The following ARAP2 variants were observed in gnomAD, a reference collection of about 807,000 sequenced individuals.
The protein encoded by ARAP2 is arf-GAP with Rho-GAP domain, ANK repeat and PH domain-containing protein 2.
ARAP2 carries 148 observed loss-of-function variants against 194.5 expected under a neutral mutation model. That is an observed-to-expected ratio of 0.76 (90% CI 0.67 to 0.87). The LOEUF is 0.87. Among genes scored for constraint, ARAP2 ranks in the 40% least tolerant of loss-of-function variants. The pLI, the probability that ARAP2 is intolerant of heterozygous loss-of-function variation, is 0.00. For missense variants in ARAP2, 2,128 were observed against 1,989.7 expected (o/e 1.07, Z -1.32); for synonymous variants, 695 against 683.5 (o/e 1.02, Z -0.26).
intron 26 of ARAP2, among the ~76,000 whole-genome samples, chr4:36,108,522 A>C (rs930241946): frequency 3.3e-5 from 5 of 152,146 alleles, no homozygotes; most frequent in African/African-American, 1.2e-4. Context: ...AAAAAACATG[A>C]TGTGTCAATA....
chr4:36,016,505 T>A (rs1270494740), intron 6 of ARAP2, among the ~76,000 whole-genome samples: 2 of 131,576 alleles, frequency 1.5e-5, no homozygotes, highest in Admixed American at 1.7e-4. Flanking sequence ...GTGCTTGAAA[T>A]CTTTCAGAGT....
chr4:36,170,019 A>C (rs969771479), intron 9 of ARAP2, among the ~76,000 whole-genome samples: 11 of 152,366 alleles, frequency 7.2e-5, no homozygotes, highest in Non-Finnish European at 1.3e-4. Context: ...CATTATTTTC[A>C]CAGTATTTAA....
intron 26 of ARAP2, among the ~76,000 whole-genome samples, chr4:36,113,268 T>A (rs1421020652): frequency 6.6e-6 from 1 of 151,912 alleles, no homozygotes; most frequent in Non-Finnish European, 1.5e-5. Flanking sequence ...TGAACTGACA[T>A]CAAAGTACCA....
At chr4:36,144,470 T>C (rs934941292) in intron 19 of ARAP2, among the ~76,000 whole-genome samples, 1 of 151,836 alleles carries the variant, frequency 6.6e-6, no homozygotes. Context: ...CACGGTATAG[T>C]GAAATCATCA....
chr4:36,228,939 G>A lies in ARAP2; in HGVS notation c.548C>T (p.Thr183Ile). ...AACTGTGTGATCCACAGTCTTCTTT[G>A]TAATCAATGATTCTATTTTAATATT... Reference protein sequence around the residue: ...SDNIKIESLITKKTVDHTVEE... With the variant: ...SDNIKIESLIIKKTVDHTVEE... Residue 183 changes from threonine (T) to isoleucine (I), a missense_variant, in exon 2 of 33, where the codon ACA (threonine) becomes ATA (isoleucine). Thr to Ile is a moderately conservative substitution (Grantham distance 89). Coordinates refer to ENST00000303965, the MANE Select transcript of ARAP2 (RefSeq NM_015230.4). 6.2e-7 allele frequency: 1 copy of A among 1,613,948 alleles called. No homozygotes were observed. The highest frequency in any genetic ancestry group is 1.1e-5 in the South Asian group (1 of 91,058).
Position 36,147,669 on chromosome 4 carries a change from G to A in ARAP2, c.3078C>T (p.Cys1026=), listed in dbSNP as rs1019255247. 2.5e-6 allele frequency: 4 copies of A among 1,613,212 alleles called. No homozygotes were observed. Among genetic ancestry groups the A allele is most frequent in the South Asian group, 1.1e-5 (1 of 90,920 alleles). Residue 1026 remains cysteine (C), a synonymous_variant, in exon 18 of 33, where the codon TGC becomes TGT. Coordinates refer to ENST00000303965, the MANE Select transcript of ARAP2 (RefSeq NM_015230.4). ...DLIGQLFYKD[C]HALDQWRKGW... ...CTTTTCTCCACTGATCCAGGGCATG[G>A]CAGTCTTTGTAGAAGAGTTGACCAA...
chr4:36,108,571 G>T (rs778381988), intron 26 of ARAP2, among the ~76,000 whole-genome samples: 20 of 151,924 alleles, frequency 1.3e-4, no homozygotes, highest in Non-Finnish European at 2.9e-4. Context: ...CAACTAGCAA[G>T]AAATTACATG....
At chr4:36,050,210 T>C (rs1722438871) in intron 3 of ARAP2, among the ~76,000 whole-genome samples, 1 of 152,214 alleles carries the variant, frequency 6.6e-6, no homozygotes, top group Admixed American at 6.5e-5. Context: ...ATGCTTTGTA[T>C]TCTAAATACA....
chr4:36,088,410 A>G (rs1001303331), intron 28 of ARAP2, among the ~76,000 whole-genome samples: 5 of 152,074 alleles, frequency 3.3e-5, no homozygotes, highest in Admixed American at 1.3e-4. Flanking sequence ...GAACCTTAAA[A>G]TCTGATGTGT....
In ARAP2 at chr4:36,167,006, A is replaced by C. The variant is rs1735435132; in HGVS notation, c.1899T>G (p.Asn633Lys). 1 of 1,606,484 alleles carries C rather than the reference A, an allele frequency of 6.2e-7. No homozygotes were observed. The highest frequency in any genetic ancestry group is 1.3e-5 in the African/African-American group (1 of 74,690). The change falls in exon 10 of 33, where the codon AAT becomes AAG. Residue 633 changes from asparagine (N) to lysine (K), a missense_variant. Coordinates refer to ENST00000303965, the MANE Select transcript of ARAP2 (RefSeq NM_015230.4). ...GGTCCACTTGCTTTACATTTGCTACATTCATAGGAATTATGGTAATACCAA... is the reference window on the plus strand; with the variant it reads ...GGTCCACTTGCTTTACATTTGCTACCTTCATAGGAATTATGGTAATACCAA... Reference protein sequence around the residue: ...SGLGITIIPMNVANVKQVDRT... With the variant: ...SGLGITIIPMKVANVKQVDRT...
At chr4:36,090,455 G>C (rs904545477) in intron 28 of ARAP2, among the ~76,000 whole-genome samples, 2 of 151,956 alleles carry the variant, frequency 1.3e-5, no homozygotes, top group African/African-American at 4.8e-5. Flanking sequence ...CAACAAAAAA[G>C]AAAACCTCAG....
chr4:36,148,057 AT>A (rs1730063632), intron 17 of ARAP2, among the ~76,000 whole-genome samples: 1 of 152,086 alleles, frequency 6.6e-6, no homozygotes, highest in Admixed American at 6.6e-5. Flanking sequence ...CCATTTATAT[AT>A]TTTCCTGAAT....
At chr4:36,024,788 A>G (rs1318284823) in intron 5 of ARAP2, among the ~76,000 whole-genome samples, 3 of 152,112 alleles carry the variant, frequency 2.0e-5, no homozygotes. Context: ...TTATCTCTAA[A>G]TACTATATAT....
At chr4:36,158,258 C>G (rs1269724083) in intron 15 of ARAP2, among the ~76,000 whole-genome samples, 1 of 151,786 alleles carries the variant, frequency 6.6e-6, no homozygotes, top group African/African-American at 2.4e-5. Flanking sequence ...TGAAACCAAG[C>G]TTAAGTTTTA....
chr4:36,230,910 G>A (rs1311118085), intron 1 of ARAP2, among the ~76,000 whole-genome samples: 4 of 152,194 alleles, frequency 2.6e-5, no homozygotes, highest in Non-Finnish European at 5.9e-5. Context: ...AAGGGAAAGA[G>A]TATATCTTCT....
chr4:36,019,671 G>A (rs76353822), intron 5 of ARAP2, among the ~76,000 whole-genome samples: 1 of 151,820 alleles, frequency 6.6e-6, no homozygotes, highest in Non-Finnish European at 1.5e-5. Context: ...ACAGTCAAAG[G>A]TAGATCAAAG....
In ARAP2 at chr4:36,073,879, T is replaced by C. The variant is rs186429772; in HGVS notation, c.4609-56A>G. 3.0e-4 allele frequency: 469 copies of C among 1,585,482 alleles called. 3 individuals carry two copies. In the East Asian group the frequency reaches 8.5e-3, roughly 29 times the overall value. On this transcript the variant is annotated intron_variant, in intron 31 of 32. Coordinates refer to ENST00000303965, the MANE Select transcript of ARAP2 (RefSeq NM_015230.4). ...TGTGATTTTATTATGTGGTATACTA[T>C]GTCATAAAGCCACTTGGTTTCTTTC...
In ARAP2 at chr4:36,148,473, C is replaced by A; in HGVS notation, c.2932G>T (p.Glu978Ter). The A allele has an allele frequency of 6.2e-7, 1 of 1,612,978 alleles. No homozygotes were observed. The highest frequency in any genetic ancestry group is 8.5e-7 in the Non-Finnish European group (1 of 1,179,398). Residue 978 changes from glutamate (E) to a stop codon, truncating the protein, a stop_gained, in exon 17 of 33, where the codon GAA becomes TAA. Transcript: ENST00000303965. LOFTEE classifies it high-confidence loss of function. ...IFIFEIYLPS[E>*]RVFLFGAETS... is the part of the protein sequence containing the mutation. ...TCAGCTCCAAATAAAAACACACGTT[C>A]GGAGGGTAAGTAGATCTCAAAGATA...
intron 6 of ARAP2, among the ~76,000 whole-genome samples, chr4:36,207,342 T>C (rs1204214158): frequency 1.3e-5 from 2 of 152,250 alleles, no homozygotes; most frequent in Non-Finnish European, 2.9e-5. Context: ...TTTGACCTGT[T>C]TGAAATACAG....
Sources: gnomAD v4.1 joint callset for allele counts (sites outside exome capture counted in the v4.1 genomes callset) on GRCh38, gnomAD v4.1.1 for gene constraint, MANE v1.5 for transcripts, NCBI Gene and HGNC (gene_info 2026-07-23, HGNC 2026-07-21) for gene names.